The following NTRK2 variants were observed in gnomAD, a reference collection of about 807,000 sequenced individuals.
The protein encoded by NTRK2 is BDNF/NT-3 growth factors receptor.
A neutral mutation model predicts 94.5 loss-of-function variants in NTRK2; 13 were observed. That is an observed-to-expected ratio of 0.14 (90% CI 0.09 to 0.22). NTRK2 has a LOEUF of 0.22. NTRK2 is among the 10% of genes least tolerant of loss of function. The pLI is 1.00. For synonymous variants in NTRK2, 372 were observed against 407.4 expected (o/e 0.91, Z 1.05); for missense variants, 639 against 1,071.2 (o/e 0.60, Z 5.63).
chr9:84,747,497 T>A (rs7847889), intron 11 of NTRK2, among the ~76,000 whole-genome samples: 95,015 of 126,612 alleles, frequency 0.75, 35,730 homozygotes, highest in East Asian at 0.87. Context: ...TTTTTTTTTG[T>A]GATGGAGTCT....
At chr9:84,782,440 T>C (rs1453238880) in intron 12 of NTRK2, among the ~76,000 whole-genome samples, 1 of 152,216 alleles carries the variant, frequency 6.6e-6, no homozygotes, top group Admixed American at 6.5e-5. Context: ...CTCTCCCCTC[T>C]GCCCCGTCAT....
Position 84,727,769 on chromosome 9 carries a change from A to G in NTRK2, c.969A>G (p.Ile323Met), listed in dbSNP as rs200564196. ...PALQWFYNGA[I>M]LNESKYICTK... Reference sequence around the variant, plus strand: ...TTCAGTGGTTCTATAACGGGGCAATATTGAATGAGTCCAAATACATCTGTA... The same window carrying G: ...TTCAGTGGTTCTATAACGGGGCAATGTTGAATGAGTCCAAATACATCTGTA... Residue 323 changes from isoleucine to methionine, a missense_variant, in exon 9 of 19, where the codon ATA (isoleucine) becomes ATG (methionine). This residue lies in a region of NTRK2 where 343 missense variants were observed against 571.5 expected (regional missense o/e 0.60). Coordinates refer to ENST00000277120, the MANE Select transcript of NTRK2 (RefSeq NM_006180.6). The G allele has an allele frequency of 5.0e-5, 80 of 1,614,204 alleles. No individual in the cohort carries two copies. Among genetic ancestry groups the G allele is most frequent in the Non-Finnish European group, 6.5e-5 (77 of 1,180,034 alleles).
At chr9:84,872,797 T>C in intron 14 of NTRK2, 1 of 1,064,612 alleles carries the variant, frequency 9.4e-7, no homozygotes, top group East Asian at 5.0e-5. Context: ...CACAGATTCA[T>C]AGGCCAGCTA....
At chr9:84,744,461 C>T (rs2063894843) in intron 10 of NTRK2, among the ~76,000 whole-genome samples, 1 of 152,088 alleles carries the variant, frequency 6.6e-6, no homozygotes, top group African/African-American at 2.4e-5. Context: ...ATAAGTTGCA[C>T]CTGTCCTGGA....
At chr9:84,733,115 G>A (rs946967648) in intron 9 of NTRK2, among the ~76,000 whole-genome samples, 2 of 152,174 alleles carry the variant, frequency 1.3e-5, no homozygotes. Context: ...GTCAGGCCTT[G>A]TCCTCTGAGC....
intron 9 of NTRK2, among the ~76,000 whole-genome samples, chr9:84,735,238 T>C (rs1029626172): frequency 1.3e-5 from 2 of 152,214 alleles, no homozygotes; most frequent in African/African-American, 2.4e-5. Context: ...TCATGCTCAC[T>C]GAGACCTTTT....
At chr9:84,723,476 AT>A (rs2062214987) in intron 6 of NTRK2, 96 bp from the exon 7 acceptor site, 2 of 1,406,540 alleles carry the variant, frequency 1.4e-6, no homozygotes, top group Non-Finnish European at 2.0e-6. Flanking sequence ...TTAAAGATTG[AT>A]TTTTAAAGCA....
At chr9:84,815,786 G>A in intron 12 of NTRK2, 1 of 993,568 alleles carries the variant, frequency 1.0e-6, no homozygotes, top group Non-Finnish European at 1.2e-6. Context: ...AGTGCCCTTG[G>A]TTGTGTTCAG....
intron 2 of NTRK2, among the ~76,000 whole-genome samples, chr9:84,693,138 A>G (rs113414991): frequency 6.6e-6 from 1 of 152,178 alleles, no homozygotes; most frequent in Non-Finnish European, 1.5e-5. Flanking sequence ...TTAGTGACTA[A>G]TTAAAATTTT....
At chr9:84,815,463 A>C (rs987465064) in intron 12 of NTRK2, 1 of 1,042,504 alleles carries the variant, frequency 9.6e-7, no homozygotes, top group Non-Finnish European at 1.2e-6. Flanking sequence ...CACGCACTTC[A>C]TGTTCAACCA....
chr9:84,945,646 G>A (rs1324926067), intron 15 of NTRK2, among the ~76,000 whole-genome samples: 1 of 152,176 alleles, frequency 6.6e-6, no homozygotes, highest in Non-Finnish European at 1.5e-5. Context: ...TTAAATCTGG[G>A]TGGCACAGGG....
At chr9:84,967,784 C>T (rs1825725367) in intron 17 of NTRK2, among the ~76,000 whole-genome samples, 3 of 152,218 alleles carry the variant, frequency 2.0e-5, no homozygotes, top group Admixed American at 2.0e-4. Flanking sequence ...AGAAATCTTC[C>T]TGGGTTTTGG....
At chr9:84,877,781 T>C (rs201648436) in intron 14 of NTRK2, 44 of 1,053,942 alleles carry the variant, frequency 4.2e-5, no homozygotes, top group Non-Finnish European at 4.8e-5. Context: ...CCAATGGAGC[T>C]TGGAATTCTT....
At chr9:84,760,919 C>T (rs534671654) in intron 12 of NTRK2, among the ~76,000 whole-genome samples, 27 of 152,226 alleles carry the variant, frequency 1.8e-4, no homozygotes, top group African/African-American at 6.0e-4. Context: ...GTATGTACAG[C>T]CTGCTAGAAA....
chr9:84,825,647 A>G (rs911139086), intron 12 of NTRK2, among the ~76,000 whole-genome samples: 4 of 152,250 alleles, frequency 2.6e-5, no homozygotes, highest in Admixed American at 6.5e-5. Context: ...AGCAATGACC[A>G]TAACAATGAT....
In NTRK2 at chr9:84,799,621, A is replaced by G. The variant is rs115470234; in HGVS notation, c.1396+47536A>G. 4.7e-3 allele frequency among the ~76,000 whole-genome samples: 713 copies of G among 151,904 alleles called. 10 individuals carry two copies. Among genetic ancestry groups the G allele is most frequent in the African/African-American group, 0.016 (673 of 41,400 alleles). On this transcript the variant is annotated intron_variant, in intron 12 of 18. Transcript: ENST00000277120. ...TTTTTTCCTAGAGATTAGGACATAA[A>G]TTATTTTCATTTGAATTCTGTGGAA...
chr9:84,670,386 G>T lies in NTRK2; in HGVS notation c.-363G>T. 2.4e-6 allele frequency: 1 copy of T among 409,636 alleles called. No individual in the cohort carries two copies. The highest frequency in any genetic ancestry group is 2.0e-5 in the African/African-American group (1 of 49,180). The allele number at this position is 409,636 out of a possible 1,614,324, so 25.4% of individuals were successfully genotyped here. On this transcript the variant is annotated 5_prime_UTR_variant, in exon 2 of 19. Coordinates refer to ENST00000277120, the MANE Select transcript of NTRK2 (RefSeq NM_006180.6). ...GTCTGTTTGTCCTCAGCCTCGAGGTGCATACCGGACCCCCATTCGCATCTA... is the reference window on the plus strand; with the variant it reads ...GTCTGTTTGTCCTCAGCCTCGAGGTTCATACCGGACCCCCATTCGCATCTA...
At chr9:84,810,695 G>A (rs2071682060) in intron 12 of NTRK2, 1 of 1,586,104 alleles carries the variant, frequency 6.3e-7, no homozygotes, top group African/African-American at 1.3e-5. Flanking sequence ...TGCTTATCTG[G>A]GGTTTTCTGG....
intron 17 of NTRK2, among the ~76,000 whole-genome samples, chr9:84,994,442 C>T (rs777565140): frequency 2.0e-5 from 3 of 152,194 alleles, no homozygotes; most frequent in Non-Finnish European, 2.9e-5. Flanking sequence ...GCAAGCTACA[C>T]GGAGCACAGG....
Sources: gnomAD v4.1 joint callset for allele counts (sites outside exome capture counted in the v4.1 genomes callset) on GRCh38, gnomAD v4.1.1 for gene constraint, gnomAD v4.1.1 regional missense constraint, MANE v1.5 for transcripts, NCBI Gene and HGNC (gene_info 2026-07-23, HGNC 2026-07-21) for gene names.